Variants in CDK12 observed in about 807,000 individuals in gnomAD.
CDK12 encodes cyclin dependent kinase 12.
Under a neutral mutation model 133.8 loss-of-function variants are expected in CDK12, and 17 were observed. That is an observed-to-expected ratio of 0.13 (90% CI 0.09 to 0.19). The LOEUF (loss-of-function observed/expected upper bound fraction) is 0.19. CDK12 is among the 10% of genes least tolerant of loss of function. The pLI, the probability that CDK12 is intolerant of heterozygous loss-of-function variation, is 1.00. For missense variants in CDK12, 1,508 were observed against 1,818.7 expected (o/e 0.83, Z 3.11); for synonymous variants, 694 against 683.6 (o/e 1.02, Z -0.24).
chr17:39,544,441 C>T (rs953175752), upstream of CDK12: 243 of 324,842 alleles, frequency 7.5e-4, 5 homozygotes, highest in Non-Finnish European at 1.3e-4. Flanking sequence ...CCACCCCACC[C>T]CTGGTCTTAG....
At chr17:39,504,751 C>T (rs1247421221) in intron 6 of CDK12, among the ~76,000 whole-genome samples, 5 of 151,364 alleles carry the variant, frequency 3.3e-5, no homozygotes, top group Non-Finnish European at 7.4e-5. Flanking sequence ...TGGTGGTGCA[C>T]GCATCTAATC....
At chr17:39,507,447 G>A (rs1203880771) in intron 6 of CDK12, among the ~76,000 whole-genome samples, 1 of 151,750 alleles carries the variant, frequency 6.6e-6, no homozygotes, top group Non-Finnish European at 1.5e-5. Context: ...TTAGCCGGGC[G>A]TAGTGGCACA....
At chr17:39,469,334 C>A (rs983818722) in intron 1 of CDK12, among the ~76,000 whole-genome samples, 1 of 152,136 alleles carries the variant, frequency 6.6e-6, no homozygotes, top group African/African-American at 2.4e-5. Flanking sequence ...TATTGGAAAT[C>A]ATTTTATAAT....
At position 39,481,631 on chromosome 17, in the gene CDK12, GCGCTCTCTCTCTCTCT is replaced by G. The variant is rs1227673430; in HGVS notation, c.1932-8924_1932-8909del. On this transcript the variant is annotated intron_variant, in intron 2 of 13. Transcript: ENST00000447079. ...AGCACTTATGTGCTTGCTCGCTCGC[GCGCTCTCTCTCTCTCT>G]CTCTCTCTCTCTCTCTCTCTCTCTC... 1.7e-4 allele frequency among the ~76,000 whole-genome samples: 6 copies of G among 34,310 alleles called. 1 individual carries two copies. The highest frequency in any genetic ancestry group is 2.8e-4 in the Non-Finnish European group (4 of 14,098). 22.5% of individuals were successfully genotyped at this position (34,310 alleles called of 152,430 possible).
chr17:39,500,226 G>C (rs1355217806), intron 5 of CDK12, among the ~76,000 whole-genome samples: 1 of 152,140 alleles, frequency 6.6e-6, no homozygotes, highest in African/African-American at 2.4e-5. Context: ...AGCTACATGA[G>C]AGGCTGAGGC....
intron 1 of CDK12, among the ~76,000 whole-genome samples, chr17:39,465,239 A>G (rs2049214859): frequency 7.2e-6 from 1 of 138,916 alleles, no homozygotes; most frequent in South Asian, 2.6e-4. Context: ...GAGACAGAGT[A>G]AGACTCAGTC....
At chr17:39,492,707 C>T (rs1173317953) in intron 3 of CDK12, 44 bp from the exon 4 acceptor site, 1 of 1,553,576 alleles carries the variant, frequency 6.4e-7, no homozygotes, top group East Asian at 2.3e-5. Context: ...CCGCGCCCGG[C>T]CTTCATTTTC....
At chr17:39,483,177 T>C (rs2050857583) in intron 2 of CDK12, among the ~76,000 whole-genome samples, 3 of 152,154 alleles carry the variant, frequency 2.0e-5, no homozygotes, top group South Asian at 4.1e-4. Context: ...CCTCCCAAAG[T>C]GCTGGCATTA....
chr17:39,532,849 G>T lies in CDK12; in HGVS notation c.*1533G>T. 1 of 232,926 alleles carries T rather than the reference G, an allele frequency of 4.3e-6. No homozygotes were observed. Among genetic ancestry groups the T allele is most frequent in the Non-Finnish European group, 8.5e-6 (1 of 117,762 alleles). The allele number at this position is 232,926 out of a possible 1,614,324, so 14.4% of individuals were successfully genotyped here. A position where few individuals can be genotyped will look rare whatever the true frequency, so the allele number is the denominator to read the frequency against. On this transcript the variant is annotated 3_prime_UTR_variant, in exon 14 of 14. Coordinates refer to ENST00000447079, the MANE Select transcript of CDK12 (RefSeq NM_016507.4). ...TTCTCATTCTGGCTTCTATTTCTAT[G>T]TGAGTACCAGCATATAGAGTGTTTT...
intron 3 of CDK12, among the ~76,000 whole-genome samples, chr17:39,563,177 G>C (rs1385125994): frequency 6.6e-6 from 1 of 151,786 alleles, no homozygotes. Flanking sequence ...CAACATACAG[G>C]CGTATGCACA....
At chr17:39,470,015 C>G (rs1359359977) in intron 1 of CDK12, among the ~76,000 whole-genome samples, 1 of 151,930 alleles carries the variant, frequency 6.6e-6, no homozygotes, top group South Asian at 2.1e-4. Flanking sequence ...GTGAGTATGG[C>G]TGTTTCTTTT....
intron 8 of CDK12, among the ~76,000 whole-genome samples, chr17:39,515,069 C>A (rs11078911): frequency 1.3e-5 from 2 of 151,926 alleles, no homozygotes; most frequent in Non-Finnish European, 2.9e-5. Flanking sequence ...AAAAATTAGC[C>A]GGGTGTGGTG....
rs2054996043 is a variant in CDK12, at chr17:39,533,680, A to C, written c.*2364A>C. 4.3e-6 allele frequency: 1 copy of C among 232,730 alleles called. No individual in the cohort carries two copies. Among genetic ancestry groups the C allele is most frequent in the Admixed American group, 5.6e-5 (1 of 17,740 alleles). The allele number at this position is 232,730 out of a possible 1,614,324, so 14.4% of individuals were successfully genotyped here. ...CTCATCCCTACTAGGGAAGGGGGTG[A>C]GTGTATGTGTGAGTGTATGTGTATG... On this transcript the variant is annotated 3_prime_UTR_variant, in exon 14 of 14. Coordinates refer to ENST00000447079, the MANE Select transcript of CDK12 (RefSeq NM_016507.4).
At chr17:39,514,188 G>A (rs1187236068) in intron 8 of CDK12, among the ~76,000 whole-genome samples, 2 of 152,138 alleles carry the variant, frequency 1.3e-5, no homozygotes, top group East Asian at 1.9e-4. Context: ...CAGCCACTGA[G>A]CCTGGCCTAA....
chr17:39,498,842 T>G (rs2052348122), intron 5 of CDK12, among the ~76,000 whole-genome samples: 6 of 151,786 alleles, frequency 4.0e-5, no homozygotes, highest in East Asian at 3.9e-4. Context: ...TGTTGATTCA[T>G]TTTTCTCTCA....
intron 6 of CDK12, 80 bp from the exon 7 acceptor site, chr17:39,509,624 CT>C (rs945849515): frequency 2.3e-6 from 2 of 888,558 alleles, no homozygotes; most frequent in Non-Finnish European, 1.9e-6. Context: ...TCCTTTACCC[CT>C]AACTTGGCGC....
At chr17:39,548,749 A>G (rs2055830101), upstream of CDK12, among the ~76,000 whole-genome samples, 1 of 152,192 alleles carries the variant, frequency 6.6e-6, no homozygotes, top group Admixed American at 6.5e-5. Flanking sequence ...CCCACCCTGT[A>G]TCAGGCAGTG....
At position 39,471,053 on chromosome 17, in the gene CDK12, AGCTGCT is replaced by A. The variant is rs755536892; in HGVS notation, c.1230_1235del (p.Ala412_Ala413del). 1 of 1,613,816 alleles carries A rather than the reference AGCTGCT, an allele frequency of 6.2e-7. No individual in the cohort carries two copies. Among genetic ancestry groups the A allele is most frequent in the Admixed American group, 1.7e-5 (1 of 59,888 alleles). ...TCAGTAGGAAAAAGAAGGAAAGAGC[AGCTGCT>A]GCTGCTGCAGCAAAGATGGATGGAA... On this transcript the variant is annotated inframe_deletion, in exon 2 of 14. Transcript: ENST00000447079.
At chr17:39,527,976 C>T (rs988353425) in intron 13 of CDK12, among the ~76,000 whole-genome samples, 12 of 151,962 alleles carry the variant, frequency 7.9e-5, no homozygotes, top group South Asian at 2.1e-4. Flanking sequence ...AATGCAATGG[C>T]GCGATCTTGG....
Sources: allele counts gnomAD v4.1 joint callset (sites outside exome capture counted in the v4.1 genomes callset), GRCh38; gene constraint gnomAD v4.1.1; transcripts MANE v1.5; gene names NCBI Gene and HGNC (gene_info 2026-07-23, HGNC 2026-07-21).